Variants in NELL1 observed in about 807,000 individuals in gnomAD.
The protein encoded by NELL1 is protein kinase C-binding protein NELL1.
NELL1 carries 76 observed loss-of-function variants against 107.4 expected under a neutral mutation model. The observed-to-expected ratio is 0.71, with a 90% CI of 0.59 to 0.86. The LOEUF is 0.86. NELL1 is among the 40% of genes least tolerant of loss of function. NELL1 has a pLI of 0.00. For synonymous variants in NELL1, 353 were observed against 341.2 expected (o/e 1.03, Z -0.38); for missense variants, 1,024 against 1,005.5 (o/e 1.02, Z -0.25).
chr11:21,319,278 C>T (rs544775277), intron 14 of NELL1, among the ~76,000 whole-genome samples: 3 of 151,784 alleles, frequency 2.0e-5, no homozygotes, highest in Admixed American at 6.6e-5. Flanking sequence ...TGGGTTCAAA[C>T]AATTTGCGTG....
intron 15 of NELL1, among the ~76,000 whole-genome samples, chr11:21,506,992 C>T (rs2133939430): frequency 6.6e-6 from 1 of 152,314 alleles, no homozygotes; most frequent in South Asian, 2.1e-4. Context: ...ACTCTGTGGG[C>T]TCATACTTGT....
At chr11:21,224,474 GC>G (rs1367291185) in intron 13 of NELL1, among the ~76,000 whole-genome samples, 1 of 151,184 alleles carries the variant, frequency 6.6e-6, no homozygotes, top group African/African-American at 2.4e-5. Flanking sequence ...TCCTGTCTCA[GC>G]CTCCCAAAGT....
intron 14 of NELL1, among the ~76,000 whole-genome samples, chr11:21,252,335 C>G (rs979740750): frequency 9.2e-5 from 14 of 151,964 alleles, no homozygotes; most frequent in African/African-American, 3.4e-4. Flanking sequence ...GTTTTGGGGG[C>G]AGGTATACCT....
chr11:21,059,974 C>T (rs1481131062), intron 12 of NELL1, among the ~76,000 whole-genome samples: 1 of 152,112 alleles, frequency 6.6e-6, no homozygotes, highest in Non-Finnish European at 1.5e-5. Flanking sequence ...TATTAAAAAG[C>T]TCTTATTTTC....
intron 2 of NELL1, among the ~76,000 whole-genome samples, chr11:20,748,198 G>A (rs1409232498): frequency 2.0e-5 from 3 of 152,082 alleles, no homozygotes; most frequent in Non-Finnish European, 4.4e-5. Flanking sequence ...GACCACCTAA[G>A]AATCATTAGG....
chr11:21,104,416 T>C (rs981401516), intron 12 of NELL1, among the ~76,000 whole-genome samples: 1 of 152,180 alleles, frequency 6.6e-6, no homozygotes, highest in African/African-American at 2.4e-5. Flanking sequence ...CAAAAAGATA[T>C]GTTACTTTAT....
At chr11:21,370,003 T>C (rs1469805774) in intron 14 of NELL1, among the ~76,000 whole-genome samples, 1 of 152,106 alleles carries the variant, frequency 6.6e-6, no homozygotes, top group Non-Finnish European at 1.5e-5. Flanking sequence ...TACTTATTCT[T>C]ATGGGTCTTA....
At chr11:20,981,980 CTT>C (rs377256118) in intron 12 of NELL1, among the ~76,000 whole-genome samples, 2 of 150,652 alleles carry the variant, frequency 1.3e-5, no homozygotes, top group Non-Finnish European at 3.0e-5. Context: ...CTCTCTCTCT[CTT>C]TCTCTCTCTT....
At chr11:20,885,637 G>A in intron 5 of NELL1, 97 bp downstream of exon 5, 1 of 763,628 alleles carries the variant, frequency 1.3e-6, no homozygotes, top group Non-Finnish European at 2.3e-6. Flanking sequence ...ACATTAGTGG[G>A]AAGGGCATGG....
At chr11:21,534,052 AG>A (rs548445482) in intron 15 of NELL1, among the ~76,000 whole-genome samples, 113 of 152,336 alleles carry the variant, frequency 7.4e-4, no homozygotes, top group African/African-American at 2.4e-3. Context: ...CCAAAAAAAA[AG>A]TCATATACAC....
At chr11:20,925,204 G>A (rs757426523) in intron 7 of NELL1, among the ~76,000 whole-genome samples, 11 of 152,204 alleles carry the variant, frequency 7.2e-5, no homozygotes, top group Admixed American at 2.6e-4. Context: ...TATTTTATCC[G>A]TTTCCTAAAG....
chr11:21,408,481 C>T (rs1278667748), intron 15 of NELL1, among the ~76,000 whole-genome samples: 1 of 152,036 alleles, frequency 6.6e-6, no homozygotes, highest in Non-Finnish European at 1.5e-5. Flanking sequence ...CCTAGAAGCT[C>T]TACTTACAGA....
At chr11:20,943,310 T>A (rs1850895178) in intron 10 of NELL1, among the ~76,000 whole-genome samples, 1 of 152,106 alleles carries the variant, frequency 6.6e-6, no homozygotes, top group Admixed American at 6.6e-5. Flanking sequence ...CTAAAACATA[T>A]TTATCTCGGC....
chr11:21,137,144 T>G lies in NELL1; in HGVS notation c.1426+23430T>G, dbSNP rs567483366. 3.9e-5 allele frequency among the ~76,000 whole-genome samples: 6 copies of G among 152,246 alleles called. No homozygotes were observed. The East Asian group carries it at 1.2e-3, about 29-fold the overall frequency. On this transcript the variant is annotated intron_variant, in intron 13 of 19. Transcript: ENST00000357134. ...TCATCTTATAAGTGAATGGAAATAC[T>G]GGACTGGATTACATGGAAGAGTTAG... is the stretch of plus-strand genomic sequence containing the variant.
intron 16 of NELL1, among the ~76,000 whole-genome samples, chr11:21,542,336 G>A (rs567354373): frequency 5.9e-5 from 9 of 152,150 alleles, no homozygotes; most frequent in Admixed American, 2.6e-4. Context: ...ACTGCTTTCT[G>A]GAAGGGAGGA....
In NELL1 at chr11:21,219,159, C is replaced by T. The variant is rs554351412; in HGVS notation, c.1427-10173C>T. On this transcript the variant is annotated intron_variant, in intron 13 of 19. Transcript: ENST00000357134. ...TGGCATCTGTTAGTGCCTATCTTTT[C>T]GATATAGGCCATTTTAACTGGGGTG... Among the ~76,000 whole-genome samples the T allele has an allele frequency of 7.9e-5, 12 of 152,114 alleles. No homozygotes were observed. The East Asian group carries it at 9.7e-4, about 12-fold the overall frequency.
chr11:21,535,211 T>G (rs1055902588), intron 16 of NELL1, among the ~76,000 whole-genome samples: 2 of 152,104 alleles, frequency 1.3e-5, no homozygotes, highest in African/African-American at 4.8e-5. Context: ...CTTACAACTT[T>G]CATGAAATCC....
At chr11:21,369,986 A>G (rs755723257) in intron 14 of NELL1, among the ~76,000 whole-genome samples, 8 of 152,106 alleles carry the variant, frequency 5.3e-5, no homozygotes, top group Admixed American at 6.6e-5. Context: ...AGTAAAAACA[A>G]TTATGCTACT....
At chr11:21,497,503 G>T (rs1003965003) in intron 15 of NELL1, among the ~76,000 whole-genome samples, 7 of 151,854 alleles carry the variant, frequency 4.6e-5, no homozygotes, top group Non-Finnish European at 7.4e-5. Context: ...GTGAATAATT[G>T]TTATTAAATA....
Sources: gnomAD v4.1 joint callset for allele counts (sites outside exome capture counted in the v4.1 genomes callset) on GRCh38, gnomAD v4.1.1 for gene constraint, MANE v1.5 for transcripts, NCBI Gene and HGNC (gene_info 2026-07-23, HGNC 2026-07-21) for gene names.